LRRC8C: variants seen among roughly 807,000 people sequenced by gnomAD.
LRRC8C encodes volume-regulated anion channel subunit LRRC8C.
A neutral mutation model predicts 55.3 loss-of-function variants in LRRC8C; 20 were observed. The observed-to-expected ratio is 0.36, with a 90% CI of 0.25 to 0.53. LRRC8C has a LOEUF of 0.53. Ranked by LOEUF, LRRC8C falls within the 20% of genes least tolerant of loss-of-function variation. The probability of loss-of-function intolerance (pLI) is 0.92; values close to 1 mark genes in which losing one functional copy is unlikely to be tolerated. For missense variants in LRRC8C, 659 were observed against 951.4 expected, an observed-to-expected ratio of 0.69 and a Z score of 4.04; for synonymous variants, 376 against 360.7, an observed-to-expected ratio of 1.04 and a Z score of -0.48.
At chr1:89,634,304 A>C (rs1463198025) in intron 1 of LRRC8C, among the ~76,000 whole-genome samples, 1 of 152,258 alleles carries the variant, frequency 6.6e-6, no homozygotes, top group Non-Finnish European at 1.5e-5. Context: ...GTAAAAAATA[A>C]GAACCAATCC....
At chr1:89,710,054 A>G (rs976228870) in intron 2 of LRRC8C, among the ~76,000 whole-genome samples, 1 of 152,022 alleles carries the variant, frequency 6.6e-6, no homozygotes, top group Non-Finnish European at 1.5e-5. Flanking sequence ...CCCAGCCTGT[A>G]TTTTCATCAT....
intron 2 of LRRC8C, among the ~76,000 whole-genome samples, chr1:89,699,291 A>C (rs1359892264): frequency 1.3e-5 from 2 of 152,210 alleles, no homozygotes; most frequent in East Asian, 3.9e-4. Flanking sequence ...ACTCTGTAGG[A>C]TATTACAGTG....
At chr1:89,665,802 A>G (rs955314099) in intron 1 of LRRC8C, among the ~76,000 whole-genome samples, 4 of 152,118 alleles carry the variant, frequency 2.6e-5, no homozygotes, top group African/African-American at 9.7e-5. Flanking sequence ...CTCATCACTC[A>G]CTTGCTGACC....
At chr1:89,652,089 G>A (rs1268737266) in intron 1 of LRRC8C, among the ~76,000 whole-genome samples, 3 of 152,172 alleles carry the variant, frequency 2.0e-5, no homozygotes, top group Non-Finnish European at 4.4e-5. Context: ...ACACTGGAGT[G>A]CTGGGGTGCA....
intron 1 of LRRC8C, chr1:89,676,361 A>G (rs578036022): frequency 6.6e-5 from 10 of 152,356 alleles, no homozygotes; most frequent in Non-Finnish European, 1.0e-4. Context: ...TAAAAATTCA[A>G]TGATATTTAA....
chr1:89,694,679 C>G (rs968656726), intron 2 of LRRC8C, among the ~76,000 whole-genome samples: 9 of 149,008 alleles, frequency 6.0e-5, no homozygotes, highest in Non-Finnish European at 1.5e-5. Flanking sequence ...ACTCCACTTC[C>G]CGGGTTCAAG....
At chr1:89,673,380 A>AT (rs1226126215) in intron 1 of LRRC8C, among the ~76,000 whole-genome samples, 1 of 152,198 alleles carries the variant, frequency 6.6e-6, no homozygotes, top group Non-Finnish European at 1.5e-5. Flanking sequence ...CGTTTAAAAA[A>AT]ATATATCTGC....
chr1:89,677,813 A>T (rs1657591712), intron 1 of LRRC8C, among the ~76,000 whole-genome samples: 1 of 152,248 alleles, frequency 6.6e-6, no homozygotes, highest in African/African-American at 2.4e-5. Context: ...ATTTTTCCAG[A>T]AATATTTTGT....
At chr1:89,667,536 G>A (rs1258062879) in intron 1 of LRRC8C, among the ~76,000 whole-genome samples, 1 of 152,104 alleles carries the variant, frequency 6.6e-6, no homozygotes, top group African/African-American at 2.4e-5. Context: ...TAAAAAAGGA[G>A]TAAACCTAGG....
chr1:89,650,519 C>G (rs1440972928), intron 1 of LRRC8C, among the ~76,000 whole-genome samples: 1 of 152,128 alleles, frequency 6.6e-6, no homozygotes, highest in South Asian at 2.1e-4. Context: ...GTATATTTCC[C>G]CAAGTAATCC....
At chr1:89,684,703 A>G (rs1657821488) in intron 1 of LRRC8C, among the ~76,000 whole-genome samples, 1 of 152,226 alleles carries the variant, frequency 6.6e-6, no homozygotes, top group African/African-American at 2.4e-5. Flanking sequence ...TGAAATTTTA[A>G]TCACACTAGA....
Position 89,717,340 on chromosome 1 carries a change from G to A in LRRC8C, c.*2358G>A, listed in dbSNP as rs1658856964. On this transcript the variant is annotated 3_prime_UTR_variant, in exon 3 of 3. Transcript: ENST00000370454. ...GGTTAAAAATCACGCTTATGCTGAAGTCTTTATCTGGTGTTAACTAAAAAT... is the reference window on the plus strand; with the variant it reads ...GGTTAAAAATCACGCTTATGCTGAAATCTTTATCTGGTGTTAACTAAAAAT... 6.6e-6 allele frequency: 1 copy of A among 152,122 alleles called. No homozygotes were observed. The highest frequency in any genetic ancestry group is 6.5e-5 in the Admixed American group (1 of 15,270). The allele number at this position is 152,122 out of a possible 1,614,324, so 9.4% of individuals were successfully genotyped here.
At chr1:89,626,537 G>T in the LRRC8C span, 4 of 152,188 alleles carry the variant, frequency 2.6e-5, no homozygotes, top group African/African-American at 9.6e-5. Context: ...CAAATCAAAG[G>T]TTCCCATAAC....
intron 1 of LRRC8C, among the ~76,000 whole-genome samples, chr1:89,659,574 T>A (rs1657057549): frequency 6.6e-6 from 1 of 152,246 alleles, no homozygotes; most frequent in South Asian, 2.1e-4. Context: ...CGTGTTATGA[T>A]GGAGGTGGGG....
At chr1:89,628,780 AG>A (rs1656037043), upstream of LRRC8C, among the ~76,000 whole-genome samples, 1 of 152,236 alleles carries the variant, frequency 6.6e-6, no homozygotes, top group African/African-American at 2.4e-5. Flanking sequence ...AGAAAGAGAA[AG>A]GGAAGGGAGG....
At chr1:89,690,654 T>G (rs1302869262) in intron 2 of LRRC8C, among the ~76,000 whole-genome samples, 1 of 152,188 alleles carries the variant, frequency 6.6e-6, no homozygotes, top group Non-Finnish European at 1.5e-5. Context: ...GAGCATCATT[T>G]AGGAGATGTG....
chr1:89,685,007 G>A (rs1330246305), intron 1 of LRRC8C, among the ~76,000 whole-genome samples: 1 of 151,520 alleles, frequency 6.6e-6, no homozygotes, highest in African/African-American at 2.4e-5. Flanking sequence ...TCACAATGCA[G>A]CAAGACGGAA....
chr1:89,651,681 A>T (rs1228840630), intron 1 of LRRC8C, among the ~76,000 whole-genome samples: 1 of 152,150 alleles, frequency 6.6e-6, no homozygotes, highest in Non-Finnish European at 1.5e-5. Flanking sequence ...CATTTTAAAA[A>T]AGATTGACAA....
At chr1:89,620,433 T>C in the LRRC8C span, among the ~76,000 whole-genome samples, 3,995 of 152,118 alleles carry the variant, frequency 0.026, 169 homozygotes, top group African/African-American at 0.09. Context: ...AAAGAGAGTA[T>C]AGTGATAAGG....
Sources: allele counts gnomAD v4.1 joint callset (sites outside exome capture counted in the v4.1 genomes callset), GRCh38; gene constraint gnomAD v4.1.1; transcripts MANE v1.5; gene names NCBI Gene and HGNC (gene_info 2026-07-23, HGNC 2026-07-21).